PCDHA4: variants seen among roughly 807,000 people sequenced by gnomAD.
PCDHA4 encodes the protein protocadherin alpha-4.
PCDHA4 carries 49 observed loss-of-function variants against 61.4 expected under a neutral mutation model. The ratio of observed to expected loss-of-function variants is 0.80; its 90% CI spans 0.63 to 1.01. The LOEUF (loss-of-function observed/expected upper bound fraction) is 1.01. PCDHA4 is among the 50% of genes least tolerant of loss of function. The probability of loss-of-function intolerance (pLI) is 0.00; values close to 1 mark genes in which losing one functional copy is unlikely to be tolerated. For synonymous variants in PCDHA4, 590 were observed against 550.3 expected, an observed-to-expected ratio of 1.07 and a Z score of -1.01; for missense variants, 1,254 against 1,235.8, an observed-to-expected ratio of 1.01 and a Z score of -0.22.
At chr5:140,979,548 C>A (rs2153819465) in intron 2 of PCDHA4, among the ~76,000 whole-genome samples, 1 of 152,286 alleles carries the variant, frequency 6.6e-6, no homozygotes, top group African/African-American at 2.4e-5. Context: ...TGACATGGTT[C>A]TTCAGAAGAT....
chr5:140,842,426 A>G (rs150855027), intron 1 of PCDHA4: 1 of 1,613,494 alleles, frequency 6.2e-7, no homozygotes, highest in African/African-American at 1.3e-5. Context: ...TGGTACTGTC[A>G]TCGCCCTAAT....
chr5:140,877,380 C>A, intron 1 of PCDHA4: 1 of 1,613,980 alleles, frequency 6.2e-7, no homozygotes, highest in Non-Finnish European at 8.5e-7. Context: ...CGACACGCAT[C>A]CTGGATGAGG....
rs1396431858 is a variant in PCDHA4, at chr5:141,010,083, T to C, written c.*146T>C. The C allele has an allele frequency of 1.9e-6, 3 of 1,612,132 alleles. No homozygotes were observed. The African/African-American group carries it at 4.0e-5, about 22-fold the overall frequency. On this transcript the variant is annotated 3_prime_UTR_variant, in exon 4 of 4. Coordinates refer to ENST00000530339, the MANE Select transcript of PCDHA4 (RefSeq NM_018907.4). Reference sequence around the variant, plus strand: ...CTGCAGAAAGTTCCCTGTGTCTGTCTAGAACGCATTTAACAGGTTTTGTCG... The same window carrying C: ...CTGCAGAAAGTTCCCTGTGTCTGTCCAGAACGCATTTAACAGGTTTTGTCG...
intron 1 of PCDHA4, among the ~76,000 whole-genome samples, chr5:140,873,515 C>A (rs2054335003): frequency 6.6e-6 from 1 of 152,056 alleles, no homozygotes; most frequent in African/African-American, 2.4e-5. Context: ...ATACTTAATG[C>A]CAAGATTGCA....
Position 140,829,683 on chromosome 5 carries a change from T to C in PCDHA4, c.2385+20111T>C, listed in dbSNP as rs1554132167. Reference sequence around the variant, plus strand: ...CTGGACCACGAGGAGCTAGAGCTGCTGCAGTTTCAGGTGAGCGCGCGCGAC... The same window carrying C: ...CTGGACCACGAGGAGCTAGAGCTGCCGCAGTTTCAGGTGAGCGCGCGCGAC... On this transcript the variant is annotated intron_variant, in intron 1 of 3. Transcript: ENST00000530339. 6 of 1,613,236 alleles carry C rather than the reference T, an allele frequency of 3.7e-6. No individual in the cohort carries two copies. The East Asian group carries it at 1.3e-4, about 36-fold the overall frequency.
At chr5:140,856,020 G>T in intron 1 of PCDHA4, 4 of 1,553,378 alleles carry the variant, frequency 2.6e-6, no homozygotes, top group South Asian at 1.2e-5. Context: ...CCGCTGATTC[G>T]TCGATTTGTA....
intron 1 of PCDHA4, among the ~76,000 whole-genome samples, chr5:140,977,783 T>TATATGA (rs1488853966): frequency 1.3e-5 from 2 of 152,252 alleles, no homozygotes; most frequent in African/African-American, 4.8e-5. Context: ...TTAAAGGAAC[T>TATATGA]ATATGAATGA....
chr5:140,831,641 G>A (rs10060640), intron 1 of PCDHA4, among the ~76,000 whole-genome samples: 80,051 of 151,240 alleles, frequency 0.53, 21,345 homozygotes, highest in Middle Eastern at 0.65. Flanking sequence ...AAGATTATAG[G>A]TGTGAGCCAC....
At chr5:140,833,958 A>G (rs1772734204) in intron 1 of PCDHA4, among the ~76,000 whole-genome samples, 1 of 152,116 alleles carries the variant, frequency 6.6e-6, no homozygotes, top group African/African-American at 2.4e-5. Flanking sequence ...TTTATTTAAA[A>G]CTGTGTGAAA....
intron 3 of PCDHA4, among the ~76,000 whole-genome samples, chr5:140,983,909 C>G (rs2097076070): frequency 6.6e-6 from 1 of 152,226 alleles, no homozygotes. Flanking sequence ...TGATTCTAAT[C>G]AGCCAGGATT....
At chr5:140,858,708 T>C in intron 1 of PCDHA4, 1 of 547,182 alleles carries the variant, frequency 1.8e-6, no homozygotes, top group African/African-American at 1.9e-5. Context: ...AAATATGTGA[T>C]ATAGGTTGCA....
intron 1 of PCDHA4, chr5:140,868,803 C>A: frequency 2.9e-6 from 1 of 350,392 alleles, no homozygotes; most frequent in South Asian, 7.0e-5. Context: ...CATAAATAAG[C>A]ACGTTGGAAA....
At chr5:140,849,899 C>A in intron 1 of PCDHA4, 1 of 1,598,504 alleles carries the variant, frequency 6.3e-7, no homozygotes, top group South Asian at 1.1e-5. Flanking sequence ...AGGAGAACAA[C>A]CCGCCGGGCT....
chr5:141,009,702 C>T lies in PCDHA4; in HGVS notation c.2609C>T (p.Pro870Leu). 1 of 1,614,056 alleles carries T rather than the reference C, an allele frequency of 6.2e-7. No individual in the cohort carries two copies. The highest frequency in any genetic ancestry group is 8.5e-7 in the Non-Finnish European group (1 of 1,180,028). The change falls in exon 4 of 4, where the codon CCA becomes CTA. Residue 870 changes from proline to leucine, a missense_variant. Transcript: ENST00000530339. ...AACAGCTGGACCTTTAAATACGGAC[C>T]AGGCAACCCCAAACAATCCGGTCCC... is the stretch of plus-strand genomic sequence containing the variant. The part of the protein sequence containing the change: ...NSNSWTFKYG[P>L]GNPKQSGPGE...
intron 1 of PCDHA4, among the ~76,000 whole-genome samples, chr5:140,906,235 C>G (rs1319955366): frequency 1.3e-5 from 2 of 152,174 alleles, no homozygotes; most frequent in African/African-American, 4.8e-5. Flanking sequence ...CTCCCCTTGT[C>G]AACTTGAACC....
intron 3 of PCDHA4, among the ~76,000 whole-genome samples, chr5:140,984,922 C>T (rs2097125803): frequency 6.6e-6 from 1 of 152,074 alleles, no homozygotes; most frequent in Non-Finnish European, 1.5e-5. Flanking sequence ...TAGTGCTTGA[C>T]ATATAGTTAA....
At chr5:140,965,490 C>G (rs115003344) in intron 1 of PCDHA4, among the ~76,000 whole-genome samples, 2,488 of 148,960 alleles carry the variant, frequency 0.017, 68 homozygotes, top group African/African-American at 0.057. Context: ...TGCTTAATGA[C>G]AGCAGATTTT....
chr5:140,935,894 C>CTTT lies in PCDHA4; in HGVS notation c.2386-43041_2386-43039dup, dbSNP rs55841305. Among the ~76,000 whole-genome samples, 1,154 of 136,734 alleles carry CTTT rather than the reference C, an allele frequency of 8.4e-3. 14 individuals carry two copies. Among genetic ancestry groups the CTTT allele is most frequent in the East Asian group, 0.025 (118 of 4,726 alleles). 89.7% of individuals were successfully genotyped at this position (136,734 alleles called of 152,430 possible). On this transcript the variant is annotated intron_variant, in intron 1 of 3. Coordinates refer to ENST00000530339, the MANE Select transcript of PCDHA4 (RefSeq NM_018907.4). ...ATGAGCTCCAATTTATCAATATTAT[C>CTTT]TTTTTTTTTTTTTTTTGAGACAGAT...
intron 1 of PCDHA4, chr5:140,812,108 T>C (rs1356009801): frequency 6.6e-6 from 1 of 151,988 alleles, no homozygotes; most frequent in African/African-American, 2.4e-5. Context: ...CTTTAAAAGT[T>C]TGGTAGAATT....
Sources: allele counts gnomAD v4.1 joint callset (sites outside exome capture counted in the v4.1 genomes callset), GRCh38; gene constraint gnomAD v4.1.1; transcripts MANE v1.5; gene names NCBI Gene and HGNC (gene_info 2026-07-23, HGNC 2026-07-21).